The following AK7 variants were observed in gnomAD, a reference collection of about 807,000 sequenced individuals.
The protein encoded by AK7 is ATP-AMP transphosphorylase 7.
Under a neutral mutation model 96.6 loss-of-function variants are expected in AK7, and 78 were observed. That is an observed-to-expected ratio of 0.81 (90% confidence interval 0.67 to 0.97). AK7 has a LOEUF of 0.97. Ranked by LOEUF, AK7 falls within the 50% of genes least tolerant of loss-of-function variation. The probability of loss-of-function intolerance (pLI) is 0.00; values close to 1 mark genes in which losing one functional copy is unlikely to be tolerated. For synonymous variants in AK7, 302 were observed against 317.2 expected, an observed-to-expected ratio of 0.95 and a Z score of 0.51; for missense variants, 855 against 887.9, an observed-to-expected ratio of 0.96 and a Z score of 0.47.
intron 6 of AK7, among the ~76,000 whole-genome samples, chr14:96,441,781 C>T (rs184312890): frequency 1.3e-5 from 2 of 152,060 alleles, no homozygotes; most frequent in Admixed American, 1.3e-4. Context: ...TTCACATTAC[C>T]CATCATAAAA....
intron 5 of AK7, among the ~76,000 whole-genome samples, chr14:96,434,073 A>G (rs145710935): frequency 2.0e-5 from 3 of 152,172 alleles, no homozygotes; most frequent in Non-Finnish European, 2.9e-5. Context: ...TATTTAGTTC[A>G]TTTGGTGAGG....
At chr14:96,461,899 T>G (rs1894271632) in intron 12 of AK7, among the ~76,000 whole-genome samples, 1 of 152,234 alleles carries the variant, frequency 6.6e-6, no homozygotes, top group Non-Finnish European at 1.5e-5. Flanking sequence ...CATTATTTAT[T>G]GACAAAGACA....
chr14:96,413,196 C>T (rs758050105), intron 4 of AK7, among the ~76,000 whole-genome samples: 3 of 152,168 alleles, frequency 2.0e-5, no homozygotes, highest in Non-Finnish European at 2.9e-5. Flanking sequence ...CTGAGTAGGC[C>T]TGAGAGGACA....
At chr14:96,431,793 G>A (rs1180071993) in intron 5 of AK7, among the ~76,000 whole-genome samples, 1 of 152,156 alleles carries the variant, frequency 6.6e-6, no homozygotes, top group Non-Finnish European at 1.5e-5. Context: ...GCAGAGCTGA[G>A]TTCAAGTCCT....
At chr14:96,476,382 A>G (rs556726701) in intron 14 of AK7, among the ~76,000 whole-genome samples, 3 of 151,848 alleles carry the variant, frequency 2.0e-5, no homozygotes, top group African/African-American at 4.8e-5. Flanking sequence ...GTGCACGCCT[A>G]TAATCCCAGC....
intron 4 of AK7, among the ~76,000 whole-genome samples, chr14:96,420,077 G>A (rs1375530932): frequency 6.6e-6 from 1 of 151,620 alleles, no homozygotes; most frequent in East Asian, 2.0e-4. Context: ...TGTTAGCCAG[G>A]CTGGTCTCGA....
chr14:96,401,492 A>C (rs898219325), intron 2 of AK7, among the ~76,000 whole-genome samples: 15 of 152,234 alleles, frequency 9.9e-5, no homozygotes, highest in Non-Finnish European at 2.1e-4. Flanking sequence ...CAAGACAAGT[A>C]AGGGAGGAAG....
chr14:96,406,623 G>C (rs1443109325), intron 3 of AK7, among the ~76,000 whole-genome samples: 1 of 152,094 alleles, frequency 6.6e-6, no homozygotes, highest in Non-Finnish European at 1.5e-5. Flanking sequence ...TAAGGGATGG[G>C]GACTTTGTCA....
chr14:96,464,517 C>A (rs1030835020), intron 12 of AK7, among the ~76,000 whole-genome samples: 29 of 129,408 alleles, frequency 2.2e-4, no homozygotes, highest in African/African-American at 8.1e-4. Context: ...GAGACTCCAG[C>A]CTGGGTGACA....
At chr14:96,470,689 G>GA in intron 12 of AK7, among the ~76,000 whole-genome samples, 1 of 152,140 alleles carries the variant, frequency 6.6e-6, no homozygotes. Context: ...AGAGAAAAGT[G>GA]CCTTTGAGGG....
rs375515871 is a variant in AK7 at position 96,436,371 on chromosome 14, G to A, written c.610-1464G>A. 4.6e-5 allele frequency among the ~76,000 whole-genome samples: 7 copies of A among 152,252 alleles called. No homozygotes were observed. In the South Asian group the frequency reaches 8.3e-4, roughly 18 times the overall value. On this transcript the variant is annotated intron_variant, in intron 5 of 17. Transcript: ENST00000267584. ...TCCTAAAAACTCCTGTAGGCCGGGC[G>A]CAGTGGCTTACACCTGTAATCCCAG...
intron 16 of AK7, among the ~76,000 whole-genome samples, 191 bp downstream of exon 16, chr14:96,483,410 GT>G (rs59424847): frequency 0.051 from 7,433 of 146,572 alleles, 174 homozygotes; most frequent in South Asian, 0.067. Flanking sequence ...CTTTTGCTTA[GT>G]TTTTTTTTTT....
chr14:96,468,296 C>CT (rs67009492), intron 12 of AK7, among the ~76,000 whole-genome samples: 2,380 of 98,462 alleles, frequency 0.024, 17 homozygotes, highest in Non-Finnish European at 0.028. Flanking sequence ...GCACTCTTTC[C>CT]TTTTTTTTTT....
intron 5 of AK7, among the ~76,000 whole-genome samples, chr14:96,423,470 C>T (rs999000212): frequency 1.3e-5 from 2 of 151,836 alleles, no homozygotes; most frequent in Non-Finnish European, 2.9e-5. Flanking sequence ...ACCAAAATAT[C>T]CCCCAAAATG....
intron 4 of AK7, 62 bp from the exon 5 acceptor site, chr14:96,420,760 C>A: frequency 8.6e-7 from 1 of 1,157,952 alleles, no homozygotes; most frequent in Non-Finnish European, 1.3e-6. Flanking sequence ...ATATCTTTAG[C>A]CTTAGAAGTC....
At chr14:96,468,360 A>G (rs1267409137) in intron 12 of AK7, among the ~76,000 whole-genome samples, 1 of 128,850 alleles carries the variant, frequency 7.8e-6, no homozygotes, top group African/African-American at 3.1e-5. Context: ...GGAGTGCGCG[A>G]TCTCGGCTCA....
At chr14:96,429,506 T>C (rs1892222303) in intron 5 of AK7, among the ~76,000 whole-genome samples, 1 of 152,208 alleles carries the variant, frequency 6.6e-6, no homozygotes, top group Non-Finnish European at 1.5e-5. Context: ...AGGAAAGTCA[T>C]TGGTAGATTG....
chr14:96,464,408 G>T (rs536525723), intron 12 of AK7, among the ~76,000 whole-genome samples: 1 of 151,852 alleles, frequency 6.6e-6, no homozygotes, highest in Non-Finnish European at 1.5e-5. Context: ...AAAATAGCCA[G>T]GCGTGGTGGT....
At position 96,424,112 on chromosome 14, in the gene AK7, C is replaced by T. The variant is rs1340063402; in HGVS notation, c.609+3180C>T. 4 of 656,518 alleles carry T rather than the reference C, an allele frequency of 6.1e-6. No individual in the cohort carries two copies. In the East Asian group the frequency reaches 9.5e-5, roughly 16 times the overall value. The allele number at this position is 656,518 out of a possible 1,614,324, so 40.7% of individuals were successfully genotyped here. On this transcript the variant is annotated intron_variant, in intron 5 of 17. Coordinates refer to ENST00000267584, the MANE Select transcript of AK7 (RefSeq NM_152327.5). ...GTGGGATCGGGCACGGTGCTCCGCT[C>T]GTCCACCGCCACCCCGTGCAGGTGA...
Sources: gnomAD v4.1 joint callset for allele counts (sites outside exome capture counted in the v4.1 genomes callset) on GRCh38, gnomAD v4.1.1 for gene constraint, MANE v1.5 for transcripts, NCBI Gene and HGNC (gene_info 2026-07-23, HGNC 2026-07-21) for gene names.